PTPRD: variants seen among roughly 807,000 people sequenced by gnomAD.
PTPRD encodes protein tyrosine phosphatase receptor type D, also known as receptor-type tyrosine-protein phosphatase delta.
A neutral mutation model predicts 214.5 loss-of-function variants in PTPRD; 34 were observed. That is an observed-to-expected ratio of 0.16 (90% CI 0.12 to 0.21). The LOEUF (loss-of-function observed/expected upper bound fraction) is 0.21. PTPRD is among the 10% of genes least tolerant of loss of function. The probability of loss-of-function intolerance (pLI) is 1.00; values close to 1 mark genes in which losing one functional copy is unlikely to be tolerated. For missense variants in PTPRD, 2,545 were observed against 2,398.7 expected (o/e 1.06, Z -1.27); for synonymous variants, 1,128 against 845.7 (o/e 1.33, Z -5.79).
At chr9:8,851,499 C>A (rs1345507261) in intron 11 of PTPRD, among the ~76,000 whole-genome samples, 1 of 152,088 alleles carries the variant, frequency 6.6e-6, no homozygotes, top group Non-Finnish European at 1.5e-5. Context: ...GCAGTACACA[C>A]AGAGTGCCAA....
At chr9:8,464,025 A>T (rs2134369323) in intron 32 of PTPRD, among the ~76,000 whole-genome samples, 1 of 152,064 alleles carries the variant, frequency 6.6e-6, no homozygotes, top group East Asian at 1.9e-4. Flanking sequence ...AATTTGGAAA[A>T]AATTCTTGAT....
intron 7 of PTPRD, among the ~76,000 whole-genome samples, chr9:9,678,751 C>G (rs2096992704): frequency 6.6e-6 from 1 of 151,676 alleles, no homozygotes; most frequent in Non-Finnish European, 1.5e-5. Context: ...TCAGTCTAAA[C>G]TTTAAGACAA....
intron 8 of PTPRD, among the ~76,000 whole-genome samples, chr9:9,537,345 T>C (rs999124412): frequency 5.3e-5 from 8 of 151,994 alleles, no homozygotes; most frequent in South Asian, 4.1e-4. Context: ...ATGTCGTTAG[T>C]CCAGTTGCTA....
intron 11 of PTPRD, among the ~76,000 whole-genome samples, chr9:8,833,101 C>A (rs754940461): frequency 1.3e-5 from 2 of 152,072 alleles, no homozygotes; most frequent in African/African-American, 2.4e-5. Flanking sequence ...CCAGTTCATA[C>A]ACAGGCCACA....
chr9:9,194,981 C>T (rs1417049390), intron 9 of PTPRD, among the ~76,000 whole-genome samples: 1 of 145,828 alleles, frequency 6.9e-6, no homozygotes, highest in Non-Finnish European at 1.5e-5. Flanking sequence ...CAGTTGAACC[C>T]TACGTGTGTG....
chr9:9,041,237 G>T (rs995496225), intron 10 of PTPRD, among the ~76,000 whole-genome samples: 1 of 152,038 alleles, frequency 6.6e-6, no homozygotes, highest in African/African-American at 2.4e-5. Flanking sequence ...TTTAAGCTCA[G>T]GGGTACAGGT....
intron 33 of PTPRD, chr9:8,454,734 C>T (rs146220231): frequency 6.0e-5 from 51 of 856,504 alleles, no homozygotes; most frequent in South Asian, 4.6e-5. Context: ...CATTCAGAAG[C>T]GACAGCGAAT....
intron 5 of PTPRD, among the ~76,000 whole-genome samples, chr9:9,876,450 G>C (rs146657520): frequency 2.6e-4 from 40 of 152,032 alleles, no homozygotes; most frequent in Middle Eastern, 3.4e-3. Context: ...TGTCTCTTCA[G>C]GGCACCTACA....
intron 11 of PTPRD, among the ~76,000 whole-genome samples, chr9:8,873,254 C>G (rs2098333251): frequency 6.6e-6 from 1 of 152,222 alleles, no homozygotes; most frequent in Non-Finnish European, 1.5e-5. Flanking sequence ...CATGGCCTCA[C>G]TTCTTGACCC....
At chr9:8,488,304 T>C (rs917957380) in intron 27 of PTPRD, among the ~76,000 whole-genome samples, 2 of 152,264 alleles carry the variant, frequency 1.3e-5, no homozygotes, top group African/African-American at 4.8e-5. Context: ...GCAACAGTTT[T>C]GTTTCACATG....
At chr9:8,360,546 T>C (rs1426687238) in intron 39 of PTPRD, among the ~76,000 whole-genome samples, 1 of 152,232 alleles carries the variant, frequency 6.6e-6, no homozygotes, top group South Asian at 2.1e-4. Context: ...TCTTGATTGC[T>C]TTAGATCTCT....
intron 7 of PTPRD, among the ~76,000 whole-genome samples, chr9:9,657,959 A>G (rs1474186709): frequency 1.3e-5 from 2 of 152,098 alleles, no homozygotes; most frequent in Non-Finnish European, 2.9e-5. Context: ...GCCAAGTGGA[A>G]CTCATTTGAC....
At chr9:8,349,589 G>C (rs563062783) in intron 39 of PTPRD, among the ~76,000 whole-genome samples, 1 of 152,260 alleles carries the variant, frequency 6.6e-6, no homozygotes, top group Admixed American at 6.5e-5. Context: ...CAGCAAAACT[G>C]ATAAACCACC....
At chr9:9,475,876 G>A (rs1411800139) in intron 8 of PTPRD, among the ~76,000 whole-genome samples, 1 of 152,104 alleles carries the variant, frequency 6.6e-6, no homozygotes, top group Admixed American at 6.5e-5. Flanking sequence ...TCTAGAAATA[G>A]GCTTTGGCCT....
At chr9:9,922,712 A>C (rs2082917045) in intron 5 of PTPRD, among the ~76,000 whole-genome samples, 1 of 152,122 alleles carries the variant, frequency 6.6e-6, no homozygotes, top group Admixed American at 6.6e-5. Context: ...AAAATTTAAA[A>C]AACCAGTAGA....
chr9:10,546,729 T>C (rs529047842), intron 2 of PTPRD, among the ~76,000 whole-genome samples: 1 of 152,190 alleles, frequency 6.6e-6, no homozygotes, highest in South Asian at 2.1e-4. Flanking sequence ...GTGAGCCCTA[T>C]AGAAAGGGTT....
chr9:9,560,706 G>A (rs2082697647), intron 8 of PTPRD, among the ~76,000 whole-genome samples: 1 of 152,176 alleles, frequency 6.6e-6, no homozygotes, highest in Non-Finnish European at 1.5e-5. Flanking sequence ...GGGTGGATGG[G>A]CAGAAAGTAC....
At chr9:10,299,215 A>G (rs528834333) in intron 3 of PTPRD, among the ~76,000 whole-genome samples, 1 of 152,290 alleles carries the variant, frequency 6.6e-6, no homozygotes, top group East Asian at 1.9e-4. Flanking sequence ...GGGTAGAACT[A>G]CTATTATCAT....
At chr9:10,221,055 G>A (rs866030694) in intron 3 of PTPRD, among the ~76,000 whole-genome samples, 1 of 151,996 alleles carries the variant, frequency 6.6e-6, no homozygotes, top group Non-Finnish European at 1.5e-5. Context: ...TTGAGATGCT[G>A]TTTTCTTTTC....
Sources: gnomAD v4.1 joint callset for allele counts (sites outside exome capture counted in the v4.1 genomes callset) on GRCh38, gnomAD v4.1.1 for gene constraint, MANE v1.5 for transcripts, NCBI Gene and HGNC (gene_info 2026-07-23, HGNC 2026-07-21) for gene names.